PPP1R16B: variants seen among roughly 807,000 people sequenced by gnomAD.
The protein encoded by PPP1R16B is protein phosphatase 1 regulatory subunit 16B.
In PPP1R16B, 14 loss-of-function variants were observed where a neutral mutation model predicts 61.7. The ratio of observed to expected loss-of-function variants is 0.23; its 90% confidence interval spans 0.15 to 0.35. The LOEUF (loss-of-function observed/expected upper bound fraction) is 0.35, where lower values mean the gene tolerates loss of function less well. PPP1R16B is among the 10% of genes least tolerant of loss of function. The pLI is 1.00. For synonymous variants in PPP1R16B, 266 were observed against 305.3 expected (o/e 0.87, Z 1.34); for missense variants, 547 against 752.5 (o/e 0.73, Z 3.19).
intron 1 of PPP1R16B, among the ~76,000 whole-genome samples, chr20:38,820,936 G>A (rs984752925): frequency 7.9e-5 from 12 of 151,396 alleles, no homozygotes; most frequent in Non-Finnish European, 1.6e-4. Flanking sequence ...AGCTACTCAG[G>A]AGGCTGAGGC....
chr20:38,911,313 C>G (rs1357331466), intron 10 of PPP1R16B, among the ~76,000 whole-genome samples: 2 of 151,088 alleles, frequency 1.3e-5, no homozygotes, highest in African/African-American at 4.9e-5. Context: ...ACTATAGGTG[C>G]CCACCATCAC....
At chr20:38,855,971 GA>G (rs1227081550) in intron 2 of PPP1R16B, among the ~76,000 whole-genome samples, 7 of 25,002 alleles carry the variant, frequency 2.8e-4, no homozygotes, top group East Asian at 2.5e-3. Flanking sequence ...GAGAGAGAGA[GA>G]GAGAGAGAGA....
intron 6 of PPP1R16B, among the ~76,000 whole-genome samples, chr20:38,903,463 C>T (rs972655833): frequency 3.3e-5 from 5 of 152,154 alleles, no homozygotes; most frequent in African/African-American, 1.2e-4. Flanking sequence ...AACAGCCTCT[C>T]CTTTGGGTTC....
chr20:38,850,757 A>G (rs1053040084), intron 2 of PPP1R16B, among the ~76,000 whole-genome samples: 1 of 152,170 alleles, frequency 6.6e-6, no homozygotes, highest in African/African-American at 2.4e-5. Flanking sequence ...ACCTGAGGTC[A>G]GGAGTTCGAG....
At chr20:38,895,511 G>T in intron 3 of PPP1R16B, 54 bp from the exon 4 acceptor site, 2 of 1,578,110 alleles carry the variant, frequency 1.3e-6, no homozygotes, top group Non-Finnish European at 8.7e-7. Context: ...CCTGACCAGG[G>T]CCCGGGGCCC....
At position 38,919,734 on chromosome 20, in the gene PPP1R16B, C is replaced by A. The variant is rs2085576480; in HGVS notation, c.*1068C>A. 1 of 152,206 alleles carries A rather than the reference C, an allele frequency of 6.6e-6. No homozygotes were observed. Among genetic ancestry groups the A allele is most frequent in the Non-Finnish European group, 1.5e-5 (1 of 68,042 alleles). 9.4% of individuals were successfully genotyped at this position (152,206 alleles called of 1,614,324 possible). ...GCTAGTTAACAGCGACAGAGCCCAG[C>A]ACCCTGGGGTCTTTGTGAATATCCA... On this transcript the variant is annotated 3_prime_UTR_variant, in exon 11 of 11. Transcript: ENST00000299824.
intron 10 of PPP1R16B, among the ~76,000 whole-genome samples, chr20:38,909,609 C>T (rs188910912): frequency 1.9e-3 from 296 of 152,298 alleles, no homozygotes; most frequent in African/African-American, 6.4e-3. Context: ...CACTACACCA[C>T]GAACAGATGA....
At chr20:38,849,843 A>G (rs1451238185) in intron 2 of PPP1R16B, among the ~76,000 whole-genome samples, 1 of 152,186 alleles carries the variant, frequency 6.6e-6, no homozygotes, top group African/African-American at 2.4e-5. Context: ...TCCTGGACAC[A>G]CGGTTGATTT....
chr20:38,872,472 G>A (rs2085136850), intron 2 of PPP1R16B, among the ~76,000 whole-genome samples: 1 of 152,190 alleles, frequency 6.6e-6, no homozygotes, highest in Non-Finnish European at 1.5e-5. Context: ...TAGAGAGGAA[G>A]CTGGAGACAC....
At chr20:38,829,158 G>T (rs535867781) in intron 1 of PPP1R16B, among the ~76,000 whole-genome samples, 4 of 152,292 alleles carry the variant, frequency 2.6e-5, no homozygotes, top group African/African-American at 9.6e-5. Context: ...CTGAGTTAAG[G>T]CTCTAGGGGA....
chr20:38,859,335 T>C (rs1162979247), intron 2 of PPP1R16B, among the ~76,000 whole-genome samples: 1 of 151,954 alleles, frequency 6.6e-6, no homozygotes, highest in Non-Finnish European at 1.5e-5. Context: ...TGAAATGTTC[T>C]GAAATCGATT....
At chr20:38,818,255 G>T (rs1407068856) in intron 1 of PPP1R16B, among the ~76,000 whole-genome samples, 1 of 152,174 alleles carries the variant, frequency 6.6e-6, no homozygotes, top group Non-Finnish European at 1.5e-5. Context: ...TCATTGCGGG[G>T]ATTAAAGTCA....
At chr20:38,864,857 T>A (rs1203024276) in intron 2 of PPP1R16B, among the ~76,000 whole-genome samples, 1 of 152,198 alleles carries the variant, frequency 6.6e-6, no homozygotes, top group Non-Finnish European at 1.5e-5. Context: ...CTGACCCAGT[T>A]TGAGAGTGCC....
At position 38,856,767 on chromosome 20, in the gene PPP1R16B, T is replaced by C. The variant is rs117167722; in HGVS notation, c.250+20592T>C. ...AACCCCATCTTACAGGTGGATAAAC[T>C]GAGGCTTAAAAAGTCTAACAACTTG... On this transcript the variant is annotated intron_variant, in intron 2 of 10. Transcript: ENST00000299824. Among the ~76,000 whole-genome samples the C allele has an allele frequency of 3.1e-3, 476 of 152,346 alleles. 2 individuals are homozygous for C. Among genetic ancestry groups the C allele is most frequent in the Admixed American group, 5.2e-3 (80 of 15,304 alleles).
chr20:38,831,383 T>A (rs2084836136), intron 1 of PPP1R16B, among the ~76,000 whole-genome samples: 1 of 152,172 alleles, frequency 6.6e-6, no homozygotes, highest in East Asian at 1.9e-4. Context: ...TGCCCTGTCT[T>A]GGGGCCGCCT....
At chr20:38,898,670 C>G (rs185226125) in intron 4 of PPP1R16B, among the ~76,000 whole-genome samples, 5 of 151,960 alleles carry the variant, frequency 3.3e-5, no homozygotes, top group Non-Finnish European at 7.4e-5. Flanking sequence ...ATTAGCTGGG[C>G]GTGGTGGTGC....
At chr20:38,814,200 G>C (rs2084720500) in intron 1 of PPP1R16B, among the ~76,000 whole-genome samples, 2 of 152,168 alleles carry the variant, frequency 1.3e-5, no homozygotes, top group Admixed American at 6.5e-5. Flanking sequence ...GAAAAGTCAG[G>C]ATTCCATTTC....
intron 5 of PPP1R16B, among the ~76,000 whole-genome samples, chr20:38,902,308 C>A (rs1443526573): frequency 6.6e-6 from 1 of 152,192 alleles, no homozygotes; most frequent in Non-Finnish European, 1.5e-5. Context: ...GGGTGGTCAG[C>A]AGAGGCCAGC....
chr20:38,899,327 G>C (rs1035365755), intron 4 of PPP1R16B, among the ~76,000 whole-genome samples: 1 of 152,180 alleles, frequency 6.6e-6, no homozygotes, highest in Non-Finnish European at 1.5e-5. Flanking sequence ...GATCAGTGAT[G>C]GTGCTAAGAG....
Sources: allele counts gnomAD v4.1 joint callset (sites outside exome capture counted in the v4.1 genomes callset), GRCh38; gene constraint gnomAD v4.1.1; transcripts MANE v1.5; gene names NCBI Gene and HGNC (gene_info 2026-07-23, HGNC 2026-07-21).